The following STK3 variants were observed in gnomAD, a reference collection of about 807,000 sequenced individuals.
STK3 encodes serine/threonine-protein kinase 3.
STK3 carries 41 observed loss-of-function variants against 58.0 expected under a neutral mutation model. The ratio of observed to expected loss-of-function variants is 0.71; its 90% CI spans 0.55 to 0.92. STK3 has a LOEUF of 0.92. Ranked by LOEUF, STK3 falls within the 40% of genes least tolerant of loss-of-function variation. The pLI, the probability that STK3 is intolerant of heterozygous loss-of-function variation, is 0.00. For missense variants in STK3, 479 were observed against 602.7 expected (o/e 0.79, Z 2.15); for synonymous variants, 170 against 191.0 (o/e 0.89, Z 0.91).
chr8:98,677,420 C>T (rs1179653192), intron 6 of STK3, among the ~76,000 whole-genome samples: 3 of 144,140 alleles, frequency 2.1e-5, no homozygotes, highest in African/African-American at 7.6e-5. Context: ...TTGACTTCAG[C>T]CTGCTACTTG....
chr8:98,779,419 A>G (rs1030896721), intron 1 of STK3, among the ~76,000 whole-genome samples: 1 of 152,254 alleles, frequency 6.6e-6, no homozygotes, highest in Non-Finnish European at 1.5e-5. Context: ...TCAGAAATGA[A>G]GGTGATGCCA....
intron 6 of STK3, among the ~76,000 whole-genome samples, chr8:98,702,911 A>G (rs1460476149): frequency 6.6e-6 from 1 of 152,160 alleles, no homozygotes; most frequent in Non-Finnish European, 1.5e-5. Context: ...AAATTGTATC[A>G]TTTACTTATA....
rs1285110878 is a variant in STK3, at chr8:98,903,551, TTCTTCC to T, written c.-78-19723_-78-19718del. On this transcript the variant is annotated intron_variant, in intron 1 of 1. Transcript: ENST00000519420. ...CTTCTTCTTCTTCTTCTTCTTCTTC[TTCTTCC>T]TTTTTTTTTTTTTAAGTGGGGCCTT... Among the ~76,000 whole-genome samples, 90 of 17,566 alleles carry T rather than the reference TTCTTCC, an allele frequency of 5.1e-3. 5 individuals are homozygous for T. The highest frequency in any genetic ancestry group is 0.014 in the East Asian group (6 of 434). 11.5% of individuals were successfully genotyped at this position (17,566 alleles called of 152,430 possible). A position where few individuals can be genotyped will look rare whatever the true frequency, so the allele number is the denominator to read the frequency against.
intron 6 of STK3, among the ~76,000 whole-genome samples, chr8:98,661,287 G>C (rs1194894669): frequency 6.6e-6 from 1 of 152,078 alleles, no homozygotes; most frequent in East Asian, 1.9e-4. Context: ...ATCTGTGGTA[G>C]ATGAACTATC....
At chr8:98,757,823 G>A (rs1469356228) in intron 3 of STK3, among the ~76,000 whole-genome samples, 2 of 152,172 alleles carry the variant, frequency 1.3e-5, no homozygotes, top group Non-Finnish European at 2.9e-5. Context: ...AGAAAGGGCA[G>A]TCCAGGCAAT....
intron 10 of STK3, among the ~76,000 whole-genome samples, chr8:98,514,530 C>G (rs1824777003): frequency 4.0e-5 from 6 of 151,326 alleles, no homozygotes. Flanking sequence ...CCCACACTCC[C>G]CCTACCTCCC....
At chr8:98,530,967 C>T (rs1826132955) in intron 9 of STK3, among the ~76,000 whole-genome samples, 1 of 152,248 alleles carries the variant, frequency 6.6e-6, no homozygotes, top group African/African-American at 2.4e-5. Flanking sequence ...TCAGGCTGTA[C>T]TTCCAAGTCT....
At chr8:98,654,822 A>C in intron 6 of STK3, among the ~76,000 whole-genome samples, 1 of 152,136 alleles carries the variant, frequency 6.6e-6, no homozygotes, top group Non-Finnish European at 1.5e-5. Context: ...CCACTGCTCA[A>C]TGAAATAAAA....
intron 10 of STK3, among the ~76,000 whole-genome samples, chr8:98,466,662 T>A (rs1345690311): frequency 6.6e-6 from 1 of 152,196 alleles, no homozygotes; most frequent in Non-Finnish European, 1.5e-5. Context: ...TATGTTTCCC[T>A]GGTCTTGCTC....
intron 1 of STK3, among the ~76,000 whole-genome samples, chr8:98,443,481 AAGAT>A (rs531229990): frequency 1.7e-3 from 254 of 152,342 alleles, no homozygotes; most frequent in African/African-American, 5.8e-3. Context: ...AGTGATGAGC[AAGAT>A]AGACACAATC....
intron 1 of STK3, among the ~76,000 whole-genome samples, chr8:98,908,440 A>C (rs111675450): frequency 0.015 from 2,255 of 152,276 alleles, 54 homozygotes; most frequent in African/African-American, 0.051. Context: ...GTAATCCCAA[A>C]ACTTTGGGAG....
chr8:98,668,847 G>C (rs143990556), intron 6 of STK3, among the ~76,000 whole-genome samples: 1 of 152,184 alleles, frequency 6.6e-6, no homozygotes, highest in South Asian at 2.1e-4. Context: ...ATCAAAAAAA[G>C]ATGAGTCAAT....
At chr8:98,559,740 T>A (rs935541566) in intron 8 of STK3, among the ~76,000 whole-genome samples, 3 of 152,150 alleles carry the variant, frequency 2.0e-5, no homozygotes, top group East Asian at 3.8e-4. Flanking sequence ...TTGGAGAGAA[T>A]ACTGCTGGAG....
chr8:98,398,878 T>TGA (rs1817919572), downstream of STK3, among the ~76,000 whole-genome samples: 3 of 152,166 alleles, frequency 2.0e-5, no homozygotes, highest in African/African-American at 7.2e-5. Flanking sequence ...GGCCACAGCG[T>TGA]TAAATCCCGT....
At chr8:98,364,035 C>G in the STK3 span, among the ~76,000 whole-genome samples, 5 of 152,194 alleles carry the variant, frequency 3.3e-5, no homozygotes, top group South Asian at 2.1e-4. Flanking sequence ...CTGGGAAGCC[C>G]GGAGCTGAGA....
chr8:98,502,860 A>G (rs1450821458), intron 10 of STK3, among the ~76,000 whole-genome samples: 1 of 152,146 alleles, frequency 6.6e-6, no homozygotes, highest in African/African-American at 2.4e-5. Flanking sequence ...TTGGTCTAAA[A>G]TTCTCTTTTT....
chr8:98,613,636 C>T (rs1301565343), intron 6 of STK3, among the ~76,000 whole-genome samples: 1 of 150,892 alleles, frequency 6.6e-6, no homozygotes, highest in African/African-American at 2.4e-5. Flanking sequence ...TCAAGTAACC[C>T]ACAGGAAGTA....
At chr8:98,736,479 T>C (rs1021804045) in intron 4 of STK3, among the ~76,000 whole-genome samples, 34 of 152,302 alleles carry the variant, frequency 2.2e-4, no homozygotes, top group African/African-American at 7.5e-4. Flanking sequence ...AAGGAGGTAA[T>C]ACATAAACTC....
intron 10 of STK3, among the ~76,000 whole-genome samples, chr8:98,481,972 C>G (rs974585067): frequency 1.3e-5 from 2 of 152,118 alleles, no homozygotes; most frequent in Non-Finnish European, 2.9e-5. Flanking sequence ...TGAATTCTCA[C>G]GTTTCTCACA....
Sources: gnomAD v4.1 joint callset for allele counts (sites outside exome capture counted in the v4.1 genomes callset) on GRCh38, gnomAD v4.1.1 for gene constraint, MANE v1.5 for transcripts, NCBI Gene and HGNC (gene_info 2026-07-23, HGNC 2026-07-21) for gene names.